Variants in COL22A1 observed in about 807,000 individuals in gnomAD.
COL22A1 encodes the protein collagen type XXII alpha 1 chain.
A neutral mutation model predicts 248.9 loss-of-function variants in COL22A1; 221 were observed. That is an observed-to-expected ratio of 0.89 (90% CI 0.80 to 0.99). The LOEUF is 0.99. COL22A1 is among the 50% of genes least tolerant of loss of function. The pLI is 0.00. For missense variants in COL22A1, 2,240 were observed against 2,179.0 expected, an observed-to-expected ratio of 1.03 and a Z score of -0.56; for synonymous variants, 891 against 793.4, an observed-to-expected ratio of 1.12 and a Z score of -2.07.
intron 3 of COL22A1, among the ~76,000 whole-genome samples, chr8:138,874,646 T>C (rs1313518520): frequency 6.6e-6 from 1 of 152,160 alleles, no homozygotes; most frequent in Non-Finnish European, 1.5e-5. Context: ...CTTGCTGTGG[T>C]GTCCCCAACT....
intron 23 of COL22A1, among the ~76,000 whole-genome samples, chr8:138,730,329 G>A (rs1271873595): frequency 6.6e-6 from 1 of 152,120 alleles, no homozygotes; most frequent in Non-Finnish European, 1.5e-5. Flanking sequence ...CACTATCCTG[G>A]AGCACCTGGA....
intron 22 of COL22A1, among the ~76,000 whole-genome samples, chr8:138,748,319 T>C (rs1316548750): frequency 6.6e-6 from 1 of 152,214 alleles, no homozygotes; most frequent in East Asian, 1.9e-4. Flanking sequence ...TGTGAGCTCC[T>C]AGTAGCTGAG....
Position 138,878,128 on chromosome 8 carries a change from G to T in COL22A1, c.280C>A (p.Leu94Ile). 6.2e-7 allele frequency: 1 copy of T among 1,605,908 alleles called. No homozygotes were observed. The highest frequency in any genetic ancestry group is 8.5e-7 in the Non-Finnish European group (1 of 1,176,988). ...TTGACCTCCTCCTGCGAGCCAAAGA[G>T]TCCCAACTCGAAGGCCGTGGTGGGC... ...DRPTTAFELG[L>I]FGSQEEVKAA... Residue 94 changes from leucine (L) to isoleucine (I), a missense_variant, in exon 3 of 65, where the codon CTC becomes ATC. Coordinates refer to ENST00000303045, the MANE Select transcript of COL22A1 (RefSeq NM_152888.3).
At chr8:138,681,220 G>A (rs11777150) in intron 39 of COL22A1, among the ~76,000 whole-genome samples, 28,658 of 152,162 alleles carry the variant, frequency 0.19, 2,925 homozygotes, top group South Asian at 0.25. Flanking sequence ...TTACTGAGCA[G>A]GTAACTGTGA....
At chr8:138,899,296 G>A (rs2318348) in intron 1 of COL22A1, among the ~76,000 whole-genome samples, 111,202 of 151,970 alleles carry the variant, frequency 0.73, 41,162 homozygotes, top group East Asian at 0.84. Context: ...GAGTATATTC[G>A]CTCAGGGCCA....
chr8:138,714,215 G>T (rs1487469234), intron 30 of COL22A1, among the ~76,000 whole-genome samples: 1 of 152,162 alleles, frequency 6.6e-6, no homozygotes, highest in Non-Finnish European at 1.5e-5. Context: ...CCCACCCGTG[G>T]TTCTGTAGGT....
chr8:138,771,421 C>T (rs1039569939), intron 16 of COL22A1, among the ~76,000 whole-genome samples: 1 of 152,220 alleles, frequency 6.6e-6, no homozygotes, highest in Non-Finnish European at 1.5e-5. Context: ...AAACACATGG[C>T]CTCTGCGCTC....
intron 30 of COL22A1, among the ~76,000 whole-genome samples, chr8:138,703,583 A>G (rs4074052): frequency 0.5 from 75,569 of 152,104 alleles, 19,144 homozygotes; most frequent in East Asian, 0.76. Context: ...AGAAGTATCC[A>G]TATTGATATG....
At chr8:138,625,870 G>A (rs2131970759) in intron 51 of COL22A1, among the ~76,000 whole-genome samples, 1 of 152,178 alleles carries the variant, frequency 6.6e-6, no homozygotes, top group South Asian at 2.1e-4. Context: ...ATGTGTGTGT[G>A]TTTTGTTTTA....
At chr8:138,700,809 C>G (rs571263150) in intron 31 of COL22A1, among the ~76,000 whole-genome samples, 60 of 152,124 alleles carry the variant, frequency 3.9e-4, no homozygotes, top group Non-Finnish European at 7.1e-4. Flanking sequence ...ATGGTGAAAC[C>G]CAGTCTCTAC....
At chr8:138,849,759 C>T (rs1228967722) in intron 3 of COL22A1, among the ~76,000 whole-genome samples, 1 of 152,130 alleles carries the variant, frequency 6.6e-6, no homozygotes, top group African/African-American at 2.4e-5. Context: ...GAAGCCAAGG[C>T]TCAGAGAGGT....
intron 30 of COL22A1, among the ~76,000 whole-genome samples, chr8:138,704,477 G>A (rs1774467584): frequency 6.6e-6 from 1 of 152,236 alleles, no homozygotes; most frequent in South Asian, 2.1e-4. Context: ...AATATTTGCT[G>A]TTCTGCAGCC....
rs1485661892 is a variant in COL22A1 at position 138,878,333 on chromosome 8, A to AG, written c.92-18dup. The stretch of plus-strand genomic sequence containing the variant: ...TTTTGCAACCTGCAGGGGTGAGAGA[A>AG]GGGGTGGCGTAGGGCAAATGGGCAT... On this transcript the variant is annotated splice_polypyrimidine_tract_variant and intron_variant, in intron 2 of 64. Transcript: ENST00000303045. 6.6e-7 allele frequency: 1 copy of AG among 1,507,214 alleles called. No individual in the cohort carries two copies. Among genetic ancestry groups the AG allele is most frequent in the East Asian group, 2.4e-5 (1 of 41,532 alleles). The allele number at this position is 1,507,214 out of a possible 1,614,324, so 93.4% of individuals were successfully genotyped here. A position where few individuals can be genotyped will look rare whatever the true frequency, so the allele number is the denominator to read the frequency against.
At chr8:138,780,436 A>G (rs1190781322) in intron 13 of COL22A1, among the ~76,000 whole-genome samples, 3 of 152,170 alleles carry the variant, frequency 2.0e-5, no homozygotes. Flanking sequence ...TGACCCACCG[A>G]AGCTGAGATC....
intron 15 of COL22A1, among the ~76,000 whole-genome samples, chr8:138,776,830 A>G (rs916043416): frequency 5.9e-5 from 9 of 152,216 alleles, no homozygotes; most frequent in African/African-American, 2.2e-4. Flanking sequence ...TTGAATGACT[A>G]ACTGACCCAG....
chr8:138,775,857 C>A, intron 16 of COL22A1, 109 bp downstream of exon 16: 1 of 1,088,880 alleles, frequency 9.2e-7, no homozygotes, highest in Non-Finnish European at 1.4e-6. Context: ...CACATGCACA[C>A]ACAAATGTGT....
rs768095838 is a variant in COL22A1 at position 138,779,563 on chromosome 8, C to A, written c.1651-1G>T. ...GCTCTCCCAGCTCTCCTGGCTCCCC[C>A]TGAACAAACAAAACAACACAAAGTC... On this transcript the variant is annotated splice_acceptor_variant, in intron 13 of 64. Coordinates refer to ENST00000303045, the MANE Select transcript of COL22A1 (RefSeq NM_152888.3). LOFTEE classifies it high-confidence loss of function. 1 of 1,611,880 alleles carries A rather than the reference C, an allele frequency of 6.2e-7. No homozygotes were observed. The highest frequency in any genetic ancestry group is 8.5e-7 in the Non-Finnish European group (1 of 1,178,092).
At chr8:138,783,806 T>C (rs1815263485) in intron 12 of COL22A1, among the ~76,000 whole-genome samples, 1 of 152,142 alleles carries the variant, frequency 6.6e-6, no homozygotes, top group African/African-American at 2.4e-5. Flanking sequence ...AAGTGCAGAG[T>C]TAAACCAAGT....
chr8:138,823,431 C>CT (rs564378682), intron 6 of COL22A1, among the ~76,000 whole-genome samples: 190 of 151,922 alleles, frequency 1.3e-3, no homozygotes, highest in Middle Eastern at 6.8e-3. Context: ...TTTCTTTTTT[C>CT]TTTTTCTTTC....
Sources: allele counts gnomAD v4.1 joint callset (sites outside exome capture counted in the v4.1 genomes callset), GRCh38; gene constraint gnomAD v4.1.1; transcripts MANE v1.5; gene names NCBI Gene and HGNC (gene_info 2026-07-23, HGNC 2026-07-21).